Variants in SLC9A8 observed in about 807,000 individuals in gnomAD.
SLC9A8 encodes solute carrier family 9 member A8.
Under a neutral mutation model 66.6 loss-of-function variants are expected in SLC9A8, and 48 were observed. The ratio of observed to expected loss-of-function variants is 0.72; its 90% CI spans 0.57 to 0.92. SLC9A8 has a LOEUF of 0.92. Ranked by LOEUF, SLC9A8 falls within the 40% of genes least tolerant of loss-of-function variation. The pLI is 0.00. For missense variants in SLC9A8, 599 were observed against 747.3 expected, an observed-to-expected ratio of 0.80 and a Z score of 2.31; for synonymous variants, 274 against 282.6, an observed-to-expected ratio of 0.97 and a Z score of 0.31.
intron 3 of SLC9A8, among the ~76,000 whole-genome samples, chr20:49,834,037 T>A (rs1297566511): frequency 6.6e-6 from 1 of 151,230 alleles, no homozygotes; most frequent in Non-Finnish European, 1.5e-5. Flanking sequence ...TCACCTGAGG[T>A]TGGGAGTTCA....
At chr20:49,874,336 C>T (rs976492199) in intron 10 of SLC9A8, among the ~76,000 whole-genome samples, 1 of 152,142 alleles carries the variant, frequency 6.6e-6, no homozygotes, top group Non-Finnish European at 1.5e-5. Context: ...AACCCTATCC[C>T]TGGATGTCAG....
chr20:49,830,275 C>CT, intron 3 of SLC9A8: 2 of 1,120,366 alleles, frequency 1.8e-6, no homozygotes, highest in Non-Finnish European at 2.7e-6. Context: ...GGAATCGTCT[C>CT]TAACTTGCTA....
At chr20:49,887,788 C>T in intron 15 of SLC9A8, 41 bp from the exon 16 acceptor site, 2 of 1,489,904 alleles carry the variant, frequency 1.3e-6, no homozygotes, top group African/African-American at 1.4e-5. Flanking sequence ...CATGGCCCTG[C>T]CCCTGACGCC....
chr20:49,873,942 A>G (rs2089318399), intron 10 of SLC9A8, among the ~76,000 whole-genome samples: 1 of 151,842 alleles, frequency 6.6e-6, no homozygotes, highest in African/African-American at 2.4e-5. Context: ...ATAGGTGCTC[A>G]AGTTCCTTAT....
At chr20:49,878,304 A>C (rs543303139) in intron 12 of SLC9A8, among the ~76,000 whole-genome samples, 59 of 152,232 alleles carry the variant, frequency 3.9e-4, no homozygotes, top group South Asian at 3.3e-3. Context: ...TAAGATTTTT[A>C]ATGGCCTTGA....
chr20:49,863,858 C>G (rs552288039), intron 9 of SLC9A8: 1 of 152,224 alleles, frequency 6.6e-6, no homozygotes, highest in Admixed American at 6.5e-5. Context: ...CCCGCCTCCA[C>G]GAGCAGTTTG....
At chr20:49,844,619 T>TAAAAAA (rs35043669) in intron 4 of SLC9A8, among the ~76,000 whole-genome samples, 6 of 106,044 alleles carry the variant, frequency 5.7e-5, no homozygotes, top group East Asian at 3.6e-4. Context: ...CCCTGTATCT[T>TAAAAAA]AAAAAAAAAA....
At chr20:49,863,455 C>T (rs2088831081) in intron 9 of SLC9A8, among the ~76,000 whole-genome samples, 1 of 152,312 alleles carries the variant, frequency 6.6e-6, no homozygotes, top group East Asian at 1.9e-4. Context: ...TGGCTCATGC[C>T]TGTAATCCCA....
chr20:49,841,302 C>A (rs1423858764), intron 4 of SLC9A8, among the ~76,000 whole-genome samples: 1 of 147,736 alleles, frequency 6.8e-6, no homozygotes, highest in Non-Finnish European at 1.5e-5. Context: ...CAGAGCAAGA[C>A]CCTGTCTCTA....
chr20:49,874,414 C>T (rs564754168), intron 10 of SLC9A8, among the ~76,000 whole-genome samples: 1 of 152,262 alleles, frequency 6.6e-6, no homozygotes, highest in African/African-American at 2.4e-5. Flanking sequence ...TTCACTCACC[C>T]TCCTAACAGT....
At position 49,884,227 on chromosome 20, in the gene SLC9A8, C is replaced by CACACACACG. The variant is rs1555848220; in HGVS notation, c.1491+169_1491+170insGACACACAC. 704 of 215,450 alleles carry CACACACACG rather than the reference C, an allele frequency of 3.3e-3. 4 individuals carry two copies. The highest frequency in any genetic ancestry group is 8.6e-3 in the African/African-American group (162 of 18,786). The allele number at this position is 215,450 out of a possible 1,614,324, so 13.3% of individuals were successfully genotyped here. ...ACACACACACACACACACACACACACACACACACACACACGACACACACAC... is the reference window on the plus strand; with the variant it reads ...ACACACACACACACACACACACACACACACACACGACACACACACACACGACACACACAC... On this transcript the variant is annotated intron_variant, in intron 14 of 15. Transcript: ENST00000361573.
intron 2 of SLC9A8, among the ~76,000 whole-genome samples, chr20:49,819,454 G>C (rs1471597060): frequency 6.6e-6 from 1 of 152,010 alleles, no homozygotes; most frequent in African/African-American, 2.4e-5. Flanking sequence ...ACATAAATGG[G>C]GTCCCATAAC....
chr20:49,845,535 T>C (rs993561273), intron 5 of SLC9A8, among the ~76,000 whole-genome samples: 5 of 152,140 alleles, frequency 3.3e-5, no homozygotes, highest in African/African-American at 1.2e-4. Flanking sequence ...CTGGGGCCTT[T>C]CTAACCTTCT....
chr20:49,864,364 C>T (rs1206855899), intron 9 of SLC9A8, among the ~76,000 whole-genome samples: 1 of 152,138 alleles, frequency 6.6e-6, no homozygotes, highest in African/African-American at 2.4e-5. Flanking sequence ...TGATGCCGGC[C>T]CTGGGAGGAA....
chr20:49,840,031 T>G (rs988095851), intron 4 of SLC9A8, among the ~76,000 whole-genome samples: 2 of 152,210 alleles, frequency 1.3e-5, no homozygotes, highest in African/African-American at 4.8e-5. Context: ...GACAGTCATG[T>G]GAGGTGGATT....
chr20:49,820,834 C>T (rs886307373), intron 2 of SLC9A8, among the ~76,000 whole-genome samples: 3 of 152,076 alleles, frequency 2.0e-5, no homozygotes, highest in Admixed American at 6.5e-5. Flanking sequence ...TGTGAGCCAC[C>T]GCACCAGGCC....
intron 3 of SLC9A8, chr20:49,830,821 A>G: frequency 7.2e-7 from 1 of 1,396,244 alleles, no homozygotes; most frequent in South Asian, 1.2e-5. Context: ...GATCAGGCCC[A>G]GCAGACACTC....
chr20:49,843,409 G>A (rs967305), intron 4 of SLC9A8, among the ~76,000 whole-genome samples: 1 of 151,936 alleles, frequency 6.6e-6, no homozygotes, highest in South Asian at 2.1e-4. Flanking sequence ...TATTTTGAGC[G>A]TTTTTTGACT....
intron 10 of SLC9A8, among the ~76,000 whole-genome samples, chr20:49,870,075 GGAAA>G (rs1285008010): frequency 6.6e-6 from 1 of 152,086 alleles, no homozygotes; most frequent in Non-Finnish European, 1.5e-5. Context: ...GTACTGCCAT[GGAAA>G]GAATTTGACA....
Sources: allele counts gnomAD v4.1 joint callset (sites outside exome capture counted in the v4.1 genomes callset), GRCh38; gene constraint gnomAD v4.1.1; transcripts MANE v1.5; gene names NCBI Gene and HGNC (gene_info 2026-07-23, HGNC 2026-07-21).